STK3: variants seen among roughly 807,000 people sequenced by gnomAD.
STK3 encodes serine/threonine-protein kinase 3.
In STK3, 41 loss-of-function variants were observed where a neutral mutation model predicts 58.0. The ratio of observed to expected loss-of-function variants is 0.71; its 90% CI spans 0.55 to 0.92. The LOEUF is 0.92. Among genes scored for constraint, STK3 ranks in the 40% least tolerant of loss-of-function variants. The pLI is 0.00. For missense variants in STK3, 479 were observed against 602.7 expected (o/e 0.79, Z 2.15); for synonymous variants, 170 against 191.0 (o/e 0.89, Z 0.91).
chr8:98,716,296 T>G (rs561554675), intron 4 of STK3, among the ~76,000 whole-genome samples: 3 of 151,878 alleles, frequency 2.0e-5, no homozygotes, highest in East Asian at 3.9e-4. Context: ...AAAAAAGAAC[T>G]AATAAATAAA....
upstream of STK3, among the ~76,000 whole-genome samples, chr8:98,828,148 G>A (rs959640674): frequency 3.3e-5 from 5 of 151,676 alleles, no homozygotes; most frequent in African/African-American, 9.7e-5. Context: ...CTAATTTTTC[G>A]TGTTTTTAGT....
At chr8:98,769,169 G>C (rs1831134170) in intron 2 of STK3, among the ~76,000 whole-genome samples, 1 of 152,138 alleles carries the variant, frequency 6.6e-6, no homozygotes, top group Non-Finnish European at 1.5e-5. Flanking sequence ...GTTTTTGGTA[G>C]AAGAAGTGTT....
intron 4 of STK3, among the ~76,000 whole-genome samples, chr8:98,738,902 T>C (rs942951883): frequency 2.0e-5 from 3 of 152,236 alleles, no homozygotes; most frequent in South Asian, 4.1e-4. Context: ...ACTGCGCTTT[T>C]CCGACGCGCT....
At chr8:98,937,247 G>A (rs1840230171) in intron 1 of STK3, among the ~76,000 whole-genome samples, 1 of 152,146 alleles carries the variant, frequency 6.6e-6, no homozygotes, top group Non-Finnish European at 1.5e-5. Context: ...CTTACAGTCA[G>A]GAAGTGAGAA....
chr8:98,741,259 C>T (rs1286827075), intron 4 of STK3, among the ~76,000 whole-genome samples: 1 of 152,222 alleles, frequency 6.6e-6, no homozygotes, highest in Non-Finnish European at 1.5e-5. Flanking sequence ...TAGACATCTA[C>T]AGAACTCTCC....
chr8:98,905,744 C>A lies in STK3; in HGVS notation c.-78-21910G>T, dbSNP rs944581948. 11 of 502,746 alleles carry A rather than the reference C, an allele frequency of 2.2e-5. No individual in the cohort carries two copies. In the Admixed American group the frequency reaches 2.5e-4, roughly 12 times the overall value. The allele number at this position is 502,746 out of a possible 1,614,324, so 31.1% of individuals were successfully genotyped here. ...GAGAGAACCCTACAAAATCGTTTGT[C>A]TTGATAAAAGAAAAACTTCAGCCGA... is the stretch of plus-strand genomic sequence containing the variant. On this transcript the variant is annotated intron_variant, in intron 1 of 1. Transcript: ENST00000519420.
At chr8:98,804,950 C>T (rs16897105) in intron 1 of STK3, among the ~76,000 whole-genome samples, 3,245 of 152,222 alleles carry the variant, frequency 0.021, 142 homozygotes, top group African/African-American at 0.074. Context: ...AACCAAGATA[C>T]TCTTCCTCCA....
rs1564046999 is a variant in STK3, at chr8:98,832,254, A to AT, written c.110+51392_110+51393insA. Among the ~76,000 whole-genome samples the AT allele has an allele frequency of 7.4e-3, 985 of 132,408 alleles. 8 individuals carry two copies. Among genetic ancestry groups the AT allele is most frequent in the African/African-American group, 0.023 (872 of 37,490 alleles). 86.9% of individuals were successfully genotyped at this position (132,408 alleles called of 152,430 possible). A position where few individuals can be genotyped will look rare whatever the true frequency, so the allele number is the denominator to read the frequency against. ...GTGCCTCCTTTTCGTGAAAAAAAAA[A>AT]AATATATATATATATATAGATATCT... On this transcript the variant is annotated intron_variant, in intron 3 of 12. Coordinates refer to the STK3 transcript ENST00000523601.
At chr8:98,891,624 T>TGA (rs781550682) in intron 1 of STK3, among the ~76,000 whole-genome samples, 1,952 of 138,620 alleles carry the variant, frequency 0.014, 13 homozygotes, top group Non-Finnish European at 0.014. Flanking sequence ...TGTGTGTGTG[T>TGA]GTGAGAGAGA....
chr8:98,606,686 G>A (rs1416727810), intron 6 of STK3, among the ~76,000 whole-genome samples: 1 of 152,152 alleles, frequency 6.6e-6, no homozygotes, highest in Non-Finnish European at 1.5e-5. Context: ...TCTAGGCTTA[G>A]CAGAGCCTCC....
At chr8:98,535,373 G>T (rs1809668869) in intron 9 of STK3, among the ~76,000 whole-genome samples, 1 of 151,756 alleles carries the variant, frequency 6.6e-6, no homozygotes, top group South Asian at 2.1e-4. Context: ...ATCCAGTGAA[G>T]ACAACAGCAC....
intron 8 of STK3, among the ~76,000 whole-genome samples, chr8:98,548,790 G>A (rs1302296885): frequency 6.6e-6 from 1 of 151,852 alleles, no homozygotes; most frequent in African/African-American, 2.4e-5. Context: ...AAATTCATGA[G>A]TACTACTATT....
the STK3 span, among the ~76,000 whole-genome samples, chr8:98,360,172 C>A: frequency 6.6e-6 from 1 of 152,186 alleles, no homozygotes; most frequent in East Asian, 1.9e-4. Flanking sequence ...TCATCCTTTT[C>A]TCCCCATTTT....
At chr8:98,931,646 G>A (rs943163321) in intron 1 of STK3, among the ~76,000 whole-genome samples, 1 of 151,994 alleles carries the variant, frequency 6.6e-6, no homozygotes, top group Non-Finnish European at 1.5e-5. Flanking sequence ...AGCCATTTTT[G>A]TTAAGTACAA....
intron 3 of STK3, among the ~76,000 whole-genome samples, chr8:98,855,894 C>A (rs928262277): frequency 2.6e-5 from 4 of 152,010 alleles, no homozygotes; most frequent in Non-Finnish European, 4.4e-5. Context: ...TGGTGGTTCA[C>A]GCCTGTAATC....
rs540625981 is a variant in STK3 at position 98,721,587 on chromosome 8, A to G, written c.352-14276T>C. Among the ~76,000 whole-genome samples the G allele has an allele frequency of 2.0e-5, 3 of 151,902 alleles. No individual in the cohort carries two copies. The South Asian group carries it at 6.2e-4, about 31-fold the overall frequency. Reference sequence around the variant, plus strand: ...ATATAATTATTTATTTAGAACATAGAGCTCATATAAAACCTTCAGAAAAAC... The same window carrying G: ...ATATAATTATTTATTTAGAACATAGGGCTCATATAAAACCTTCAGAAAAAC... On this transcript the variant is annotated intron_variant, in intron 4 of 10. Coordinates refer to ENST00000419617, the MANE Select transcript of STK3 (RefSeq NM_006281.4).
intron 1 of STK3, among the ~76,000 whole-genome samples, chr8:98,924,653 T>A (rs929644653): frequency 6.6e-6 from 1 of 152,124 alleles, no homozygotes; most frequent in Non-Finnish European, 1.5e-5. Flanking sequence ...AGAATGACAA[T>A]CTTAAGTCAT....
intron 6 of STK3, among the ~76,000 whole-genome samples, chr8:98,681,680 T>C (rs557765658): frequency 4.6e-5 from 7 of 152,304 alleles, no homozygotes; most frequent in African/African-American, 1.7e-4. Context: ...GCTAAAAATA[T>C]ATAACTATTT....
chr8:98,653,193 C>G (rs1821118762), intron 6 of STK3, among the ~76,000 whole-genome samples: 1 of 152,176 alleles, frequency 6.6e-6, no homozygotes, highest in Admixed American at 6.5e-5. Context: ...CAAAACCGCT[C>G]AACTACATGG....
Sources: allele counts gnomAD v4.1 joint callset (sites outside exome capture counted in the v4.1 genomes callset), GRCh38; gene constraint gnomAD v4.1.1; transcripts MANE v1.5; gene names NCBI Gene and HGNC (gene_info 2026-07-23, HGNC 2026-07-21).